ENOX2: variants seen among roughly 807,000 people sequenced by gnomAD.
The protein encoded by ENOX2 is ecto-NOX disulfide-thiol exchanger 2.
Under a neutral mutation model 45.0 loss-of-function variants are expected in ENOX2, and 36 were observed. The observed-to-expected ratio is 0.80, with a 90% CI of 0.61 to 1.06. The LOEUF (loss-of-function observed/expected upper bound fraction) is 1.06. ENOX2 is among the 50% of genes least tolerant of loss of function. The probability of loss-of-function intolerance (pLI) is 0.00; values close to 1 mark genes in which losing one functional copy is unlikely to be tolerated. For synonymous variants in ENOX2, 174 were observed against 152.3 expected, an observed-to-expected ratio of 1.14 and a Z score of -1.05; for missense variants, 423 against 462.5, an observed-to-expected ratio of 0.91 and a Z score of 0.78.
rs1044062558 is a variant in ENOX2 at position 130,883,290 on chromosome X, T to C, written c.-183+18394A>G. Among the ~76,000 whole-genome samples, 6 of 111,265 alleles carry C rather than the reference T, an allele frequency of 5.4e-5. No individual in the cohort carries two copies. The Admixed American group carries it at 5.7e-4, about 11-fold the overall frequency. On this transcript the variant is annotated intron_variant, in intron 2 of 14. Coordinates refer to ENST00000394363, the MANE Select transcript of ENOX2 (RefSeq NM_006375.4). ...CATGCCCGGCTAATTTTTATATTTT[T>C]AGTAGAGACAGGGTTTTGCCACGTT... is the stretch of plus-strand genomic sequence containing the variant.
intron 3 of ENOX2, among the ~76,000 whole-genome samples, chrX:130,758,483 A>T (rs1418161038): frequency 8.9e-6 from 1 of 112,648 alleles, no homozygotes; most frequent in Non-Finnish European, 1.9e-5. Context: ...TAGTATTTCA[A>T]GGTACAAATA....
Position 130,637,324 on chromosome X carries a change from G to A in ENOX2, c.1216C>T (p.Leu406Phe), listed in dbSNP as rs1202475751. 5 of 1,210,422 alleles carry A rather than the reference G, an allele frequency of 4.1e-6. No homozygotes were observed. Among genetic ancestry groups the A allele is most frequent in the East Asian group, 5.9e-5 (2 of 33,859 alleles). Residue 406 changes from leucine (L) to phenylalanine (F), a missense_variant, in exon 11 of 15, where the codon CTC becomes TTC. By Grantham distance (22) the Leu-to-Phe change is conservative (BLOSUM62 0). Around this residue, in one of 5 missense-constraint regions of ENOX2, gnomAD observed 108 missense variants for 70.6 expected, o/e 1.53. Coordinates refer to ENST00000394363, the MANE Select transcript of ENOX2 (RefSeq NM_006375.4). ...LDAYRNEVEL[L>F]KQEQGKVHRE... ...TGGACTTTGCCTTGTTCTTGCTTGA[G>A]CAGTTCTACTTCATTCCGGTAGGCA... is the stretch of plus-strand genomic sequence containing the variant.
chrX:130,645,613 C>T, intron 10 of ENOX2: 2 of 378,545 alleles, frequency 5.3e-6, no homozygotes, highest in Non-Finnish European at 4.6e-6. Flanking sequence ...CAGACTGGGC[C>T]GCAGGCCATG....
Position 130,635,067 on chromosome X carries a change from A to G in ENOX2, c.1336T>C (p.Tyr446His). 1 of 1,175,450 alleles carries G rather than the reference A, an allele frequency of 8.5e-7. No homozygotes were observed. ...QQHLLKVQEE[Y>H]KKKEAELEKL... Reference sequence around the variant, plus strand: ...TCAAGTTCAGCTTCTTTCTTTTTGTATTCCTCTTGGACTTTGAGTAGATGC... The same window carrying G: ...TCAAGTTCAGCTTCTTTCTTTTTGTGTTCCTCTTGGACTTTGAGTAGATGC... The change falls in exon 12 of 15, where the codon TAC (tyrosine) becomes CAC (histidine). Residue 446 changes from tyrosine to histidine, a missense_variant. Tyr to His is a moderately conservative substitution (Grantham distance 83). Around this residue, in one of 5 missense-constraint regions of ENOX2, gnomAD observed 108 missense variants for 70.6 expected, o/e 1.53. Coordinates refer to ENST00000394363, the MANE Select transcript of ENOX2 (RefSeq NM_006375.4).
chrX:130,652,833 G>A (rs2036440331), intron 10 of ENOX2, among the ~76,000 whole-genome samples: 1 of 112,080 alleles, frequency 8.9e-6, no homozygotes, highest in Admixed American at 9.4e-5. Context: ...TACCAGACAA[G>A]GAACATCAAA....
intron 5 of ENOX2, among the ~76,000 whole-genome samples, chrX:130,682,412 G>A (rs762021901): frequency 6.2e-4 from 66 of 106,980 alleles, no homozygotes; most frequent in African/African-American, 1.2e-3. Context: ...GTGAAACCCC[G>A]TCTCTACTAA....
In ENOX2 at chrX:130,875,879, A is replaced by G. The variant is rs188529866; in HGVS notation, c.-183+25805T>C. 2.2e-3 allele frequency among the ~76,000 whole-genome samples: 246 copies of G among 112,476 alleles called. 1 individual carries two copies. Among genetic ancestry groups the G allele is most frequent in the African/African-American group, 7.7e-3 (239 of 31,034 alleles). On this transcript the variant is annotated intron_variant, in intron 2 of 14. Transcript: ENST00000394363. ...AAAGAAGGCCTACAGAATGGTAGAA[A>G]GTATTTTCAAAACCACAATAAGACA...
intron 3 of ENOX2, among the ~76,000 whole-genome samples, chrX:130,762,937 A>G (rs757217772): frequency 3.6e-5 from 4 of 111,486 alleles, no homozygotes; most frequent in African/African-American, 1.3e-4. Flanking sequence ...GTACTTAACT[A>G]TAGTTATGGA....
chrX:130,675,307 A>T (rs1158063042), intron 6 of ENOX2, among the ~76,000 whole-genome samples: 1 of 111,706 alleles, frequency 9.0e-6, no homozygotes. Context: ...AATGATTGCC[A>T]TTCTAACTGG....
chrX:130,825,994 G>T (rs139026504), intron 2 of ENOX2, among the ~76,000 whole-genome samples: 4,705 of 110,545 alleles, frequency 0.043, 126 homozygotes, highest in African/African-American at 0.095. Flanking sequence ...TTTATCATAG[G>T]TAGGTATAGG....
intron 2 of ENOX2, among the ~76,000 whole-genome samples, chrX:130,891,095 C>A (rs1039738349): frequency 9.0e-6 from 1 of 111,621 alleles, no homozygotes; most frequent in African/African-American, 3.3e-5. Flanking sequence ...AATCCTAGTA[C>A]TTTGGGAGGC....
At chrX:130,859,237 T>A (rs1486723688) in intron 2 of ENOX2, among the ~76,000 whole-genome samples, 3 of 111,642 alleles carry the variant, frequency 2.7e-5, no homozygotes, top group Non-Finnish European at 3.8e-5. Context: ...ACAGGAGAAT[T>A]GCTTGAATTG....
intron 3 of ENOX2, among the ~76,000 whole-genome samples, chrX:130,744,034 A>G (rs889661287): frequency 1.8e-5 from 2 of 112,220 alleles, no homozygotes; most frequent in Admixed American, 1.9e-4. Flanking sequence ...AATGCCTAGC[A>G]CTATGGTCCA....
chrX:130,679,141 T>C, intron 6 of ENOX2, among the ~76,000 whole-genome samples: 1 of 111,412 alleles, frequency 9.0e-6, no homozygotes, highest in East Asian at 2.8e-4. Context: ...GAGGGTGTGC[T>C]TGAGCTGGAG....
rs1317773612 is a variant in ENOX2, at chrX:130,734,812, C to G, written c.-38-31558G>C. On this transcript the variant is annotated intron_variant, in intron 3 of 14. Coordinates refer to ENST00000394363, the MANE Select transcript of ENOX2 (RefSeq NM_006375.4). ...AGATACAATCATCTTTCTTGCTGCTCTCTTCTCTTCTGTGATATCATTAAA... is the reference window on the plus strand; with the variant it reads ...AGATACAATCATCTTTCTTGCTGCTGTCTTCTCTTCTGTGATATCATTAAA... Among the ~76,000 whole-genome samples, 73 of 112,105 alleles carry G rather than the reference C, an allele frequency of 6.5e-4. 1 individual carries two copies. The Admixed American group carries it at 6.9e-3, about 11-fold the overall frequency.
intron 2 of ENOX2, among the ~76,000 whole-genome samples, chrX:130,832,858 A>C (rs2077861151): frequency 9.0e-6 from 1 of 111,074 alleles, no homozygotes; most frequent in Admixed American, 9.6e-5. Flanking sequence ...CTTTTAGCAA[A>C]ATGTTGGTTA....
intron 2 of ENOX2, among the ~76,000 whole-genome samples, chrX:130,872,023 C>G (rs904702175): frequency 8.9e-6 from 1 of 111,797 alleles, no homozygotes; most frequent in Non-Finnish European, 1.9e-5. Context: ...CAATGGTGTT[C>G]CTTCCCCACC....
intron 3 of ENOX2, among the ~76,000 whole-genome samples, chrX:130,769,028 C>T (rs909650647): frequency 1.2e-4 from 13 of 111,117 alleles, no homozygotes; most frequent in Non-Finnish European, 2.5e-4. Flanking sequence ...ATGCACCCTC[C>T]GCATGACGCT....
intron 9 of ENOX2, among the ~76,000 whole-genome samples, chrX:130,661,007 G>A (rs754496044): frequency 8.9e-6 from 1 of 111,820 alleles, no homozygotes; most frequent in South Asian, 3.7e-4. Context: ...TGTGCCAGCT[G>A]ACATTTTTGA....
Sources: allele counts gnomAD v4.1 joint callset (sites outside exome capture counted in the v4.1 genomes callset), GRCh38; gene constraint gnomAD v4.1.1; regional missense constraint gnomAD v4.1.1; transcripts MANE v1.5; gene names NCBI Gene and HGNC (gene_info 2026-07-23, HGNC 2026-07-21).